The following STK3 variants were observed in gnomAD, a reference collection of about 807,000 sequenced individuals.
STK3 encodes serine/threonine-protein kinase 3.
Under a neutral mutation model 58.0 loss-of-function variants are expected in STK3, and 41 were observed. That is an observed-to-expected ratio of 0.71 (90% CI 0.55 to 0.92). The LOEUF (loss-of-function observed/expected upper bound fraction) is 0.92. Ranked by LOEUF, STK3 falls within the 40% of genes least tolerant of loss-of-function variation. STK3 has a pLI of 0.00. For missense variants in STK3, 479 were observed against 602.7 expected (o/e 0.79, Z 2.15); for synonymous variants, 170 against 191.0 (o/e 0.89, Z 0.91).
chr8:98,459,219 CT>C (rs1405298693), intron 10 of STK3, among the ~76,000 whole-genome samples: 6 of 152,186 alleles, frequency 3.9e-5, no homozygotes, highest in African/African-American at 1.4e-4. Context: ...TCTTGCTATG[CT>C]TTAGCAAAGG....
rs190080121 is a variant in STK3, at chr8:98,615,002, G to C, written c.685-18833C>G. ...CCTGCCTCTGTAAGCTCCACGTCTA[G>C]GGGCAGGGCACAGACAAACAAAAAG... On this transcript the variant is annotated intron_variant, in intron 6 of 10. Transcript: ENST00000419617. Among the ~76,000 whole-genome samples the C allele has an allele frequency of 2.6e-5, 4 of 152,328 alleles. No individual in the cohort carries two copies. The East Asian group carries it at 5.8e-4, about 22-fold the overall frequency.
intron 6 of STK3, among the ~76,000 whole-genome samples, chr8:98,664,313 A>G (rs929824836): frequency 9.9e-5 from 15 of 152,214 alleles, no homozygotes; most frequent in Admixed American, 5.2e-4. Flanking sequence ...CTGGATTGCA[A>G]TATGAGTGAT....
At chr8:98,390,297 A>T (rs967320554), upstream of STK3, among the ~76,000 whole-genome samples, 3 of 152,144 alleles carry the variant, frequency 2.0e-5, no homozygotes, top group African/African-American at 7.2e-5. Context: ...TTTTCATTGG[A>T]TATAGAATTC....
chr8:98,414,171 G>A (rs1300172836), intron 3 of STK3, among the ~76,000 whole-genome samples: 1 of 152,170 alleles, frequency 6.6e-6, no homozygotes, highest in African/African-American at 2.4e-5. Flanking sequence ...GGCTGAGGTG[G>A]GAGAATTGCT....
At chr8:98,669,809 G>T (rs926757341) in intron 6 of STK3, among the ~76,000 whole-genome samples, 1 of 152,098 alleles carries the variant, frequency 6.6e-6, no homozygotes, top group African/African-American at 2.4e-5. Flanking sequence ...CTCCTACCCT[G>T]TTCTATGTAT....
chr8:98,372,128 A>C (rs1817616373), intron 2 of STK3, among the ~76,000 whole-genome samples: 1 of 152,134 alleles, frequency 6.6e-6, no homozygotes. Context: ...AATATGAAGG[A>C]TTGCCAGCTG....
intron 10 of STK3, among the ~76,000 whole-genome samples, chr8:98,524,139 A>C (rs898724281): frequency 6.6e-6 from 1 of 152,200 alleles, no homozygotes; most frequent in Non-Finnish European, 1.5e-5. Flanking sequence ...TGGTCTTGGC[A>C]TCCTTGCCGA....
chr8:98,357,740 CAGG>C, the STK3 span, among the ~76,000 whole-genome samples: 1 of 152,242 alleles, frequency 6.6e-6, no homozygotes, highest in African/African-American at 2.4e-5. Flanking sequence ...CCAAGGCCCA[CAGG>C]AGTTGACCCA....
At chr8:98,746,506 A>G (rs943082359) in intron 4 of STK3, among the ~76,000 whole-genome samples, 1 of 152,262 alleles carries the variant, frequency 6.6e-6, no homozygotes, top group South Asian at 2.1e-4. Flanking sequence ...CCAGCTACTC[A>G]GGAGGCTGAA....
chr8:98,735,281 T>C (rs1000134399), intron 4 of STK3, among the ~76,000 whole-genome samples: 4 of 152,116 alleles, frequency 2.6e-5, no homozygotes, highest in African/African-American at 7.2e-5. Flanking sequence ...AAGATTAATA[T>C]ATTAAAACTC....
At chr8:98,347,470 G>A in the STK3 span, among the ~76,000 whole-genome samples, 1 of 150,362 alleles carries the variant, frequency 6.7e-6, no homozygotes, top group Non-Finnish European at 1.5e-5. Context: ...AGCCAAGATT[G>A]CGCCACTGCA....
intron 7 of STK3, among the ~76,000 whole-genome samples, chr8:98,583,544 A>G (rs1026988898): frequency 2.6e-5 from 4 of 152,194 alleles, no homozygotes; most frequent in African/African-American, 9.7e-5. Flanking sequence ...CCCAGGAAGC[A>G]TCAGCACTGT....
intron 1 of STK3, among the ~76,000 whole-genome samples, chr8:98,804,372 G>A (rs1386236238): frequency 3.3e-5 from 5 of 152,132 alleles, no homozygotes; most frequent in Non-Finnish European, 7.4e-5. Flanking sequence ...TCAGTTTTTA[G>A]ATAAGAAAAC....
At chr8:98,389,879 A>T (rs1262649541), upstream of STK3, among the ~76,000 whole-genome samples, 1 of 151,880 alleles carries the variant, frequency 6.6e-6, no homozygotes, top group African/African-American at 2.4e-5. Context: ...AGGGAGAAGA[A>T]CCGGACAGCT....
chr8:98,440,726 G>T (rs1466694096), intron 1 of STK3, among the ~76,000 whole-genome samples: 1 of 152,192 alleles, frequency 6.6e-6, no homozygotes, highest in Non-Finnish European at 1.5e-5. Context: ...TAAGGAGGAG[G>T]ATGATGATGT....
At chr8:98,398,520 T>A (rs1817914799), downstream of STK3, among the ~76,000 whole-genome samples, 3 of 152,166 alleles carry the variant, frequency 2.0e-5, no homozygotes, top group Middle Eastern at 6.8e-3. Flanking sequence ...AATTCTCCCA[T>A]CCCATGGAAG....
chr8:98,585,555 C>G (rs1164104549), intron 7 of STK3, among the ~76,000 whole-genome samples: 3 of 148,672 alleles, frequency 2.0e-5, no homozygotes, highest in African/African-American at 7.5e-5. Context: ...GTTCTTTTGG[C>G]TTAGGATTGA....
downstream of STK3, among the ~76,000 whole-genome samples, chr8:98,398,344 A>C (rs2131022178): frequency 6.6e-6 from 1 of 152,280 alleles, no homozygotes; most frequent in African/African-American, 2.4e-5. Context: ...TATGGTGACC[A>C]ACTTCTCCTA....
intron 6 of STK3, among the ~76,000 whole-genome samples, chr8:98,637,418 A>G (rs1389753969): frequency 2.6e-5 from 4 of 152,184 alleles, no homozygotes; most frequent in Admixed American, 2.6e-4. Context: ...AGAAAAGAAA[A>G]AAGGAAGAAA....
Sources: gnomAD v4.1 joint callset for allele counts (sites outside exome capture counted in the v4.1 genomes callset) on GRCh38, gnomAD v4.1.1 for gene constraint, MANE v1.5 for transcripts, NCBI Gene and HGNC (gene_info 2026-07-23, HGNC 2026-07-21) for gene names.